The following KAZN variants were observed in gnomAD, a reference collection of about 807,000 sequenced individuals.
The protein encoded by KAZN is kazrin.
KAZN carries 40 observed loss-of-function variants against 87.4 expected under a neutral mutation model. The ratio of observed to expected loss-of-function variants is 0.46; its 90% CI spans 0.36 to 0.60. The LOEUF (loss-of-function observed/expected upper bound fraction) is 0.60, where lower values mean the gene tolerates loss of function less well. Ranked by LOEUF, KAZN falls within the 20% of genes least tolerant of loss-of-function variation. The pLI, the probability that KAZN is intolerant of heterozygous loss-of-function variation, is 0.00. For synonymous variants in KAZN, 466 were observed against 458.3 expected (o/e 1.02, Z -0.22); for missense variants, 898 against 1,073.9 (o/e 0.84, Z 2.29).
At chr1:15,017,072 C>T (rs1028956294) in intron 2 of KAZN, among the ~76,000 whole-genome samples, 1 of 151,816 alleles carries the variant, frequency 6.6e-6, no homozygotes, top group Non-Finnish European at 1.5e-5. Flanking sequence ...CTGAGGCGGG[C>T]GGATCACCTG....
At chr1:14,871,749 C>G (rs1652163458) in intron 1 of KAZN, among the ~76,000 whole-genome samples, 1 of 151,584 alleles carries the variant, frequency 6.6e-6, no homozygotes, top group Non-Finnish European at 1.5e-5. Context: ...TCACCAAGGC[C>G]TGAAGGCATA....
At chr1:14,450,790 T>C (rs936372382) in intron 2 of KAZN, among the ~76,000 whole-genome samples, 6 of 152,248 alleles carry the variant, frequency 3.9e-5, no homozygotes, top group Non-Finnish European at 7.4e-5. Context: ...AGAGGGTGCT[T>C]GGCTGCTGAT....
At chr1:14,538,060 T>C (rs1672603955) in intron 2 of KAZN, among the ~76,000 whole-genome samples, 1 of 152,164 alleles carries the variant, frequency 6.6e-6, no homozygotes, top group Admixed American at 6.5e-5. Flanking sequence ...ATGCGACTTA[T>C]TCATTGATGA....
At chr1:14,706,065 G>A (rs577678537) in intron 1 of KAZN, among the ~76,000 whole-genome samples, 55 of 152,212 alleles carry the variant, frequency 3.6e-4, no homozygotes, top group African/African-American at 1.2e-3. Flanking sequence ...ATTTGCATAG[G>A]AATGTGAACC....
At chr1:14,637,338 T>C (rs1680068026) in intron 1 of KAZN, among the ~76,000 whole-genome samples, 1 of 152,120 alleles carries the variant, frequency 6.6e-6, no homozygotes, top group Non-Finnish European at 1.5e-5. Flanking sequence ...GTTCTTTGCT[T>C]ACATTAACTT....
At chr1:14,997,351 C>T (rs1427782103) in intron 2 of KAZN, among the ~76,000 whole-genome samples, 1 of 151,898 alleles carries the variant, frequency 6.6e-6, no homozygotes, top group Admixed American at 6.6e-5. Context: ...AGCGATTCTC[C>T]TGCCTCAGCC....
At chr1:14,989,017 T>C (rs1357914688) in intron 2 of KAZN, among the ~76,000 whole-genome samples, 1 of 152,230 alleles carries the variant, frequency 6.6e-6, no homozygotes, top group African/African-American at 2.4e-5. Context: ...CAGCTACCTA[T>C]TGAGGCCCCA....
intron 2 of KAZN, among the ~76,000 whole-genome samples, chr1:14,559,214 T>C (rs1304517556): frequency 1.3e-5 from 2 of 151,882 alleles, no homozygotes; most frequent in South Asian, 2.1e-4. Flanking sequence ...ATGTGTAGAG[T>C]TGGCTCTTCT....
chr1:14,139,251 G>A (rs1181195110), intron 1 of KAZN, among the ~76,000 whole-genome samples: 2 of 152,176 alleles, frequency 1.3e-5, no homozygotes, highest in African/African-American at 4.8e-5. Context: ...GCAAGATACT[G>A]AAGGGAGAAG....
chr1:14,292,740 G>A (rs191975436), intron 2 of KAZN, among the ~76,000 whole-genome samples: 92 of 152,308 alleles, frequency 6.0e-4, no homozygotes, highest in Non-Finnish European at 1.1e-3. Context: ...AAGAGGGGGT[G>A]CATCATTTCT....
At position 14,376,404 on chromosome 1, in the gene KAZN, C is replaced by T. The variant is rs574423102; in HGVS notation, c.249+195812C>T. Among the ~76,000 whole-genome samples the T allele has an allele frequency of 1.1e-4, 16 of 152,122 alleles. No individual in the cohort carries two copies. In the East Asian group the frequency reaches 2.1e-3, roughly 20 times the overall value. ...CATAAATGGATTAATGGCCTTATCTCGGGAGTAGATTAGTTATTGTGGGAG... is the reference window on the plus strand; with the variant it reads ...CATAAATGGATTAATGGCCTTATCTTGGGAGTAGATTAGTTATTGTGGGAG... On this transcript the variant is annotated intron_variant, in intron 2 of 16. Transcript: ENST00000636203.
chr1:14,231,329 G>A (rs1647809960), intron 2 of KAZN, among the ~76,000 whole-genome samples: 1 of 152,080 alleles, frequency 6.6e-6, no homozygotes, highest in Non-Finnish European at 1.5e-5. Flanking sequence ...AAACAAACAA[G>A]AATGTGCTAT....
intron 2 of KAZN, among the ~76,000 whole-genome samples, chr1:14,387,821 T>C (rs972940735): frequency 3.3e-5 from 5 of 152,134 alleles, no homozygotes; most frequent in Non-Finnish European, 7.4e-5. Context: ...GCAGGCCTCC[T>C]TGAGCTGTGG....
intron 13 of KAZN, among the ~76,000 whole-genome samples, chr1:15,111,553 C>T (rs1164983221): frequency 6.6e-6 from 1 of 152,236 alleles, no homozygotes; most frequent in African/African-American, 2.4e-5. Context: ...GCTGGGATTA[C>T]AGGCATGAGC....
chr1:15,110,165 T>TTG lies in KAZN; in HGVS notation c.2049-2254_2049-2253dup, dbSNP rs1428593556. The stretch of plus-strand genomic sequence containing the variant: ...TTTGTGTATGTGTGTGCATATGTGT[T>TTG]TGTGTGTGTATATGTGTGTTGTGTA... On this transcript the variant is annotated intron_variant, in intron 13 of 14. Transcript: ENST00000376030. 2.8e-5 allele frequency among the ~76,000 whole-genome samples: 4 copies of TTG among 145,230 alleles called. No homozygotes were observed. In the Admixed American group the frequency reaches 2.9e-4, roughly 10 times the overall value.
At chr1:14,895,383 G>A (rs761582950) in intron 1 of KAZN, among the ~76,000 whole-genome samples, 4 of 152,192 alleles carry the variant, frequency 2.6e-5, no homozygotes, top group Non-Finnish European at 5.9e-5. Context: ...GCTGAGTCTG[G>A]AGCTGTCGCA....
At chr1:13,953,042 C>A (rs1423424666) in intron 1 of KAZN, among the ~76,000 whole-genome samples, 1 of 152,084 alleles carries the variant, frequency 6.6e-6, no homozygotes, top group Non-Finnish European at 1.5e-5. Flanking sequence ...TATTGAGAAA[C>A]CTGTGGTTAG....
intron 1 of KAZN, among the ~76,000 whole-genome samples, chr1:14,151,592 A>G (rs1570882297): frequency 6.6e-6 from 1 of 152,252 alleles, no homozygotes; most frequent in Non-Finnish European, 1.5e-5. Flanking sequence ...CAGGCAAAAC[A>G]TGATTCCTCT....
intron 1 of KAZN, among the ~76,000 whole-genome samples, chr1:14,796,278 C>A (rs56127203): frequency 6.6e-6 from 1 of 152,108 alleles, no homozygotes; most frequent in Non-Finnish European, 1.5e-5. Flanking sequence ...ACCCTCTCCC[C>A]ACCCACACCC....
Sources: allele counts gnomAD v4.1 joint callset (sites outside exome capture counted in the v4.1 genomes callset), GRCh38; gene constraint gnomAD v4.1.1; transcripts MANE v1.5; gene names NCBI Gene and HGNC (gene_info 2026-07-23, HGNC 2026-07-21).